SRGAP1: variants seen among roughly 807,000 people sequenced by gnomAD.
The protein encoded by SRGAP1 is SLIT-ROBO Rho GTPase-activating protein 1.
A neutral mutation model predicts 121.9 loss-of-function variants in SRGAP1; 43 were observed. That is an observed-to-expected ratio of 0.35 (90% CI 0.28 to 0.46). The LOEUF is 0.46. SRGAP1 is among the 20% of genes least tolerant of loss of function. SRGAP1 has a pLI of 1.00. For missense variants in SRGAP1, 1,102 were observed against 1,350.9 expected (o/e 0.82, Z 2.89); for synonymous variants, 447 against 485.4 (o/e 0.92, Z 1.04).
At chr12:64,039,828 A>G (rs571278103) in intron 4 of SRGAP1, among the ~76,000 whole-genome samples, 1 of 152,050 alleles carries the variant, frequency 6.6e-6, no homozygotes, top group South Asian at 2.1e-4. Flanking sequence ...CTCCCTTTTC[A>G]TTTCCCAGCT....
chr12:63,847,923 A>AT (rs1396234019), intron 1 of SRGAP1, among the ~76,000 whole-genome samples: 2 of 151,740 alleles, frequency 1.3e-5, no homozygotes, highest in Non-Finnish European at 2.9e-5. Flanking sequence ...TAACAACTTT[A>AT]TTTATCTCAG....
At chr12:64,141,586 G>A (rs2036964470) in intron 21 of SRGAP1, among the ~76,000 whole-genome samples, 1 of 152,030 alleles carries the variant, frequency 6.6e-6, no homozygotes, top group South Asian at 2.1e-4. Context: ...TCTTGGGGGG[G>A]GAAAAAGTTG....
chr12:64,058,786 GAT>G lies in SRGAP1; in HGVS notation c.802-4130_802-4129del, dbSNP rs2035392652. On this transcript the variant is annotated intron_variant, in intron 6 of 21. Transcript: ENST00000355086. The stretch of plus-strand genomic sequence containing the variant: ...TAACCAAGTATCTTGAATCTTAACA[GAT>G]CCAGTGTCATTTCAGTTTCTAGTTT... Among the ~76,000 whole-genome samples the G allele has an allele frequency of 4.8e-5, 7 of 146,684 alleles. No individual in the cohort carries two copies. In the South Asian group the frequency reaches 1.3e-3, roughly 28 times the overall value.
chr12:63,903,348 G>C (rs1216467360), intron 1 of SRGAP1, among the ~76,000 whole-genome samples: 3 of 152,034 alleles, frequency 2.0e-5, no homozygotes, highest in African/African-American at 7.2e-5. Flanking sequence ...AAGTAGCTGG[G>C]ATTGGCGTGC....
chr12:63,983,218 A>C lies in SRGAP1; in HGVS notation c.68-729A>C, dbSNP rs1000112810. 3.5e-4 allele frequency: 53 copies of C among 152,244 alleles called. 1 individual carries two copies. Among genetic ancestry groups the C allele is most frequent in the Non-Finnish European group, 5.9e-5 (4 of 68,044 alleles). 9.4% of individuals were successfully genotyped at this position (152,244 alleles called of 1,614,324 possible). ...TCAGTCTCTGTATGTGCCAAATGGC[A>C]AATGTGTAATGGTTCAGAGCCTGGA... On this transcript the variant is annotated intron_variant, in intron 1 of 21. Transcript: ENST00000355086.
At chr12:64,088,844 T>C (rs1003601247) in intron 11 of SRGAP1, among the ~76,000 whole-genome samples, 1 of 152,182 alleles carries the variant, frequency 6.6e-6, no homozygotes, top group African/African-American at 2.4e-5. Context: ...GGGACAATGA[T>C]TCAGTGCATT....
intron 1 of SRGAP1, among the ~76,000 whole-genome samples, chr12:63,936,924 AT>A (rs2031680410): frequency 6.6e-6 from 1 of 152,228 alleles, no homozygotes; most frequent in Non-Finnish European, 1.5e-5. Context: ...AAATTTACCA[AT>A]TCCAAATCTT....
intron 1 of SRGAP1, among the ~76,000 whole-genome samples, chr12:63,858,291 G>T (rs1262693270): frequency 6.6e-6 from 1 of 150,946 alleles, no homozygotes; most frequent in African/African-American, 2.4e-5. Context: ...ACAGACCTAT[G>T]ATTTTACTTT....
chr12:64,112,307 T>C (rs889460642), intron 17 of SRGAP1, among the ~76,000 whole-genome samples: 4 of 152,204 alleles, frequency 2.6e-5, no homozygotes, highest in African/African-American at 9.6e-5. Flanking sequence ...CAGATTGACA[T>C]TTTATTTTTC....
At chr12:64,054,341 T>C (rs1259657675) in intron 6 of SRGAP1, among the ~76,000 whole-genome samples, 1 of 152,226 alleles carries the variant, frequency 6.6e-6, no homozygotes, top group African/African-American at 2.4e-5. Flanking sequence ...GATTACATCA[T>C]ATATTGCCTG....
At position 64,108,991 on chromosome 12, in the gene SRGAP1, A is replaced by G; in HGVS notation, c.1873A>G (p.Arg625Gly). 6.2e-7 allele frequency: 1 copy of G among 1,603,266 alleles called. No individual in the cohort carries two copies. The highest frequency in any genetic ancestry group is 8.5e-7 in the Non-Finnish European group (1 of 1,172,622). ...HIRKLLLTLP[R>G]SVLIVMRYLF... is the part of the protein sequence containing the mutation. ...CCGCAAACTCCTCCTGACTTTGCCC[A>G]GGTCGGTCCTTATAGTGATGAGGTA... Residue 625 changes from arginine to glycine, a missense_variant, in exon 16 of 22, where the codon AGG becomes GGG. By Grantham distance (125) the Arg-to-Gly change is moderately radical. Around this residue, in one of 3 missense-constraint regions of SRGAP1, gnomAD observed 747 missense variants for 929.4 expected, o/e 0.80. Coordinates refer to ENST00000355086, the MANE Select transcript of SRGAP1 (RefSeq NM_020762.4).
intron 4 of SRGAP1, among the ~76,000 whole-genome samples, chr12:64,031,760 G>A (rs1049080409): frequency 4.6e-5 from 7 of 152,204 alleles, no homozygotes; most frequent in Admixed American, 2.6e-4. Context: ...CTATGATCAC[G>A]CCTCTACTTT....
intron 1 of SRGAP1, among the ~76,000 whole-genome samples, chr12:63,919,527 T>TATATAC (rs1238483459): frequency 6.8e-6 from 1 of 146,378 alleles, no homozygotes; most frequent in African/African-American, 2.7e-5. Context: ...TATATACACA[T>TATATAC]ACACACACAC....
At chr12:63,875,643 G>C (rs1345107660) in intron 1 of SRGAP1, among the ~76,000 whole-genome samples, 1 of 152,162 alleles carries the variant, frequency 6.6e-6, no homozygotes, top group African/African-American at 2.4e-5. Flanking sequence ...TTGGTTCTAA[G>C]ATTATAACTT....
chr12:63,885,151 A>C (rs1332022941), intron 1 of SRGAP1, among the ~76,000 whole-genome samples: 1 of 152,104 alleles, frequency 6.6e-6, no homozygotes, highest in African/African-American at 2.4e-5. Flanking sequence ...CAAATGTGTG[A>C]GAGTTTTTCC....
intron 4 of SRGAP1, among the ~76,000 whole-genome samples, chr12:64,033,228 G>A (rs2034821978): frequency 6.6e-6 from 1 of 152,022 alleles, no homozygotes; most frequent in African/African-American, 2.4e-5. Flanking sequence ...CCAGCAGGGT[G>A]CAGAGTCCCA....
chr12:64,078,591 T>A (rs917222387), intron 8 of SRGAP1, among the ~76,000 whole-genome samples: 5 of 152,244 alleles, frequency 3.3e-5, no homozygotes, highest in South Asian at 2.1e-4. Flanking sequence ...ATCATCAAGC[T>A]GCACACTTAT....
Position 64,150,815 on chromosome 12 carries a change from G to A in SRGAP1, c.*8143G>A, listed in dbSNP as rs1255888184. 7.1e-6 allele frequency: 1 copy of A among 140,258 alleles called. No individual in the cohort carries two copies. The highest frequency in any genetic ancestry group is 1.6e-5 in the Non-Finnish European group (1 of 63,114). 8.7% of individuals were successfully genotyped at this position (140,258 alleles called of 1,614,324 possible). On this transcript the variant is annotated 3_prime_UTR_variant, in exon 22 of 22. Coordinates refer to ENST00000355086, the MANE Select transcript of SRGAP1 (RefSeq NM_020762.4). ...CCAGACATAGTAGTACATGCCTATA[G>A]TACTAGGTACTTGGGAGGCTGAGGC...
intron 3 of SRGAP1, among the ~76,000 whole-genome samples, chr12:64,009,039 G>A (rs1209857420): frequency 1.3e-5 from 2 of 152,090 alleles, no homozygotes; most frequent in Non-Finnish European, 2.9e-5. Context: ...AGAAAAGAAG[G>A]CCAGTTGGCT....
Sources: gnomAD v4.1 joint callset for allele counts (sites outside exome capture counted in the v4.1 genomes callset) on GRCh38, gnomAD v4.1.1 for gene constraint, gnomAD v4.1.1 regional missense constraint, MANE v1.5 for transcripts, NCBI Gene and HGNC (gene_info 2026-07-23, HGNC 2026-07-21) for gene names.